The following DPP10 variants were observed in gnomAD, a reference collection of about 807,000 sequenced individuals.
The protein encoded by DPP10 is dipeptidyl peptidase like 10, also known as inactive dipeptidyl peptidase 10.
DPP10 carries 33 observed loss-of-function variants against 120.9 expected under a neutral mutation model. The observed-to-expected ratio is 0.27, with a 90% CI of 0.21 to 0.37. The LOEUF is 0.37. DPP10 is among the 10% of genes least tolerant of loss of function. The pLI is 1.00. For synonymous variants in DPP10, 337 were observed against 326.1 expected (o/e 1.03, Z -0.36); for missense variants, 816 against 942.8 (o/e 0.87, Z 1.76).
chr2:114,668,772 C>T (rs192473615), intron 1 of DPP10, among the ~76,000 whole-genome samples: 1 of 152,092 alleles, frequency 6.6e-6, no homozygotes, highest in African/African-American at 2.4e-5. Flanking sequence ...CTGACCCTTT[C>T]TTTCTCTGTG....
chr2:115,290,257 G>T (rs2060598415), intron 1 of DPP10, among the ~76,000 whole-genome samples: 1 of 152,118 alleles, frequency 6.6e-6, no homozygotes, highest in African/African-American at 2.4e-5. Context: ...ACCTCTTGGT[G>T]TTTAGGAGTG....
At chr2:114,832,406 G>C (rs537629876) in intron 1 of DPP10, among the ~76,000 whole-genome samples, 1 of 152,168 alleles carries the variant, frequency 6.6e-6, no homozygotes, top group Non-Finnish European at 1.5e-5. Context: ...GTGTTGGTGG[G>C]TTCCTGTAGT....
chr2:114,794,510 G>A (rs1683527027), intron 1 of DPP10, among the ~76,000 whole-genome samples: 1 of 152,196 alleles, frequency 6.6e-6, no homozygotes, highest in Non-Finnish European at 1.5e-5. Flanking sequence ...GTGAGTGGCA[G>A]AGACATTTTG....
chr2:115,575,349 GTTTGAA>G (rs1309537553), intron 5 of DPP10, among the ~76,000 whole-genome samples: 21 of 152,306 alleles, frequency 1.4e-4, no homozygotes, highest in African/African-American at 4.3e-4. Context: ...CCATTTTAGA[GTTTGAA>G]TTTGAAAAGG....
At chr2:115,273,732 T>C (rs2059797104) in intron 1 of DPP10, among the ~76,000 whole-genome samples, 1 of 152,158 alleles carries the variant, frequency 6.6e-6, no homozygotes, top group South Asian at 2.1e-4. Flanking sequence ...TTACTAGAAA[T>C]TTGCAATAAT....
At chr2:115,583,199 T>C (rs1223212794) in intron 5 of DPP10, among the ~76,000 whole-genome samples, 2 of 152,236 alleles carry the variant, frequency 1.3e-5, no homozygotes, top group African/African-American at 4.8e-5. Flanking sequence ...ACAAGTTCCT[T>C]GACGGCTCTT....
At chr2:114,543,283 C>A (rs1316414742) in intron 1 of DPP10, among the ~76,000 whole-genome samples, 1 of 152,182 alleles carries the variant, frequency 6.6e-6, no homozygotes, top group Non-Finnish European at 1.5e-5. Flanking sequence ...TTGTTTTCAG[C>A]ACTTAACTGA....
chr2:114,915,912 C>G (rs1203681347), intron 1 of DPP10, among the ~76,000 whole-genome samples: 1 of 151,964 alleles, frequency 6.6e-6, no homozygotes, highest in Non-Finnish European at 1.5e-5. Flanking sequence ...ATTAACAGTT[C>G]TAACATCATA....
At chr2:114,472,978 C>T (rs1680052210) in intron 1 of DPP10, among the ~76,000 whole-genome samples, 1 of 152,212 alleles carries the variant, frequency 6.6e-6, no homozygotes, top group South Asian at 2.1e-4. Context: ...AGTGCCTCAT[C>T]ACTGCCCTTT....
intron 1 of DPP10, among the ~76,000 whole-genome samples, chr2:115,021,036 T>C (rs181947751): frequency 1.3e-5 from 2 of 152,198 alleles, no homozygotes; most frequent in Non-Finnish European, 2.9e-5. Flanking sequence ...AAAGGAAAGT[T>C]CATAGCATTA....
intron 24 of DPP10, among the ~76,000 whole-genome samples, chr2:115,837,857 C>A (rs1343047123): frequency 1.3e-5 from 2 of 150,848 alleles, no homozygotes; most frequent in Non-Finnish European, 3.0e-5. Context: ...AAAAAAAAGT[C>A]TAAGAAACTC....
chr2:114,575,571 T>A (rs1280381406), intron 1 of DPP10, among the ~76,000 whole-genome samples: 1 of 152,208 alleles, frequency 6.6e-6, no homozygotes, highest in Non-Finnish European at 1.5e-5. Flanking sequence ...TTATATTAGG[T>A]AAAGATTGCA....
chr2:114,923,384 A>G (rs1276480887), intron 1 of DPP10, among the ~76,000 whole-genome samples: 1 of 148,836 alleles, frequency 6.7e-6, no homozygotes, highest in Non-Finnish European at 1.5e-5. Context: ...GGGTTTCACC[A>G]TGTTGGCCAG....
intron 1 of DPP10, among the ~76,000 whole-genome samples, chr2:115,096,665 A>G (rs2048415269): frequency 6.6e-6 from 1 of 152,228 alleles, no homozygotes; most frequent in Non-Finnish European, 1.5e-5. Context: ...GAACCCCATC[A>G]TAAATCAAGA....
chr2:115,496,572 A>G (rs888315489), intron 3 of DPP10, among the ~76,000 whole-genome samples: 2 of 152,140 alleles, frequency 1.3e-5, no homozygotes, highest in South Asian at 2.1e-4. Context: ...TTCTTTCACT[A>G]TGAGGAACTA....
At chr2:115,301,945 A>G (rs561747107) in intron 1 of DPP10, among the ~76,000 whole-genome samples, 14 of 152,130 alleles carry the variant, frequency 9.2e-5, no homozygotes, top group South Asian at 4.1e-4. Context: ...GTTCGTTTTG[A>G]CATTACTATA....
At chr2:115,361,159 A>G (rs1484530943) in intron 3 of DPP10, among the ~76,000 whole-genome samples, 1 of 151,794 alleles carries the variant, frequency 6.6e-6, no homozygotes, top group Non-Finnish European at 1.5e-5. Flanking sequence ...TGGTATACCC[A>G]GCTGCTGTGC....
intron 3 of DPP10, among the ~76,000 whole-genome samples, chr2:115,357,223 A>C (rs926494033): frequency 6.6e-6 from 1 of 152,194 alleles, no homozygotes; most frequent in African/African-American, 2.4e-5. Context: ...TCAGAGTCTC[A>C]TCTGAGACAA....
intron 1 of DPP10, among the ~76,000 whole-genome samples, chr2:115,240,228 A>G (rs907707230): frequency 5.3e-5 from 8 of 152,152 alleles, no homozygotes; most frequent in African/African-American, 1.9e-4. Flanking sequence ...AACAGTGTAA[A>G]AGTGTTCCTG....
Sources: gnomAD v4.1 joint callset for allele counts (sites outside exome capture counted in the v4.1 genomes callset) on GRCh38, gnomAD v4.1.1 for gene constraint, MANE v1.5 for transcripts, NCBI Gene and HGNC (gene_info 2026-07-23, HGNC 2026-07-21) for gene names.